CLIP1: variants seen among roughly 807,000 people sequenced by gnomAD.
CLIP1 encodes the protein CAP-Gly domain-containing linker protein 1.
In CLIP1, 66 loss-of-function variants were observed where a neutral mutation model predicts 161.6. The ratio of observed to expected loss-of-function variants is 0.41; its 90% CI spans 0.33 to 0.50. CLIP1 has a LOEUF of 0.50. CLIP1 is among the 20% of genes least tolerant of loss of function. The probability of loss-of-function intolerance (pLI) is 0.27; values close to 1 mark genes in which losing one functional copy is unlikely to be tolerated. For missense variants in CLIP1, 1,376 were observed against 1,702.0 expected (o/e 0.81, Z 3.37); for synonymous variants, 598 against 626.2 (o/e 0.96, Z 0.67).
intron 3 of CLIP1, among the ~76,000 whole-genome samples, chr12:122,367,365 T>C (rs1052309563): frequency 6.6e-6 from 1 of 152,236 alleles, no homozygotes; most frequent in Non-Finnish European, 1.5e-5. Context: ...CCACCAAACA[T>C]GGAACTCTTC....
intron 8 of CLIP1, among the ~76,000 whole-genome samples, 161 bp downstream of exon 8, chr12:122,352,565 C>T (rs926601950): frequency 2.0e-5 from 3 of 152,084 alleles, no homozygotes; most frequent in African/African-American, 4.8e-5. Flanking sequence ...CACTCACAGG[C>T]TCAAGTACCG....
chr12:122,282,701 G>A (rs545102381), intron 21 of CLIP1, among the ~76,000 whole-genome samples: 21 of 152,008 alleles, frequency 1.4e-4, no homozygotes, highest in Non-Finnish European at 2.9e-4. Flanking sequence ...ATATACTGCT[G>A]AGAATATTTT....
chr12:122,331,664 C>T (rs1056300549), intron 15 of CLIP1, among the ~76,000 whole-genome samples: 2 of 152,168 alleles, frequency 1.3e-5, no homozygotes. Flanking sequence ...TAGCACAGTG[C>T]ATGGCCCATA....
chr12:122,378,773 T>C (rs2136805962), intron 2 of CLIP1, among the ~76,000 whole-genome samples: 1 of 152,140 alleles, frequency 6.6e-6, no homozygotes, highest in East Asian at 1.9e-4. Context: ...GGTGGGTGGA[T>C]CATTTGAGGT....
chr12:122,391,157 G>A lies in CLIP1; in HGVS notation c.-106-10599C>T, dbSNP rs765852126. Among the ~76,000 whole-genome samples, 33 of 151,906 alleles carry A rather than the reference G, an allele frequency of 2.2e-4. 1 individual carries two copies. The highest frequency in any genetic ancestry group is 2.9e-4 in the Non-Finnish European group (20 of 67,928). On this transcript the variant is annotated intron_variant, in intron 1 of 25. Coordinates refer to ENST00000620786, the MANE Select transcript of CLIP1 (RefSeq NM_001247997.2). ...ACAAAAATTAGCCAGATGTGGTGGC[G>A]GGCACCTGTAATCCCAGCTACTTAG...
intron 21 of CLIP1, 108 bp downstream of exon 21, chr12:122,288,381 T>C: frequency 2.1e-6 from 2 of 955,522 alleles, no homozygotes; most frequent in Non-Finnish European, 3.1e-6. Context: ...ACAATGCCAT[T>C]TTCTGAATCT....
chr12:122,370,098 G>A (rs1954365143), intron 3 of CLIP1, among the ~76,000 whole-genome samples: 1 of 151,816 alleles, frequency 6.6e-6, no homozygotes, highest in Non-Finnish European at 1.5e-5. Context: ...TGTAGGCAGA[G>A]GGTGCAATGA....
intron 1 of CLIP1, among the ~76,000 whole-genome samples, chr12:122,381,775 G>A (rs1051946466): frequency 7.2e-5 from 11 of 152,270 alleles, no homozygotes; most frequent in Admixed American, 3.3e-4. Flanking sequence ...CCACTCCAGC[G>A]GATGGAACAG....
chr12:122,376,777 T>G (rs900587415), intron 3 of CLIP1, among the ~76,000 whole-genome samples: 1 of 151,794 alleles, frequency 6.6e-6, no homozygotes, highest in African/African-American at 2.4e-5. Flanking sequence ...GCCAAGAAAA[T>G]TTTTAATAAT....
intron 1 of CLIP1, among the ~76,000 whole-genome samples, chr12:122,421,566 C>T (rs551803248): frequency 6.6e-6 from 1 of 152,096 alleles, no homozygotes; most frequent in East Asian, 1.9e-4. Context: ...TCTTCTCCAC[C>T]CTTTGTTTTA....
chr12:122,386,666 T>C (rs1163107646), intron 1 of CLIP1, among the ~76,000 whole-genome samples: 2 of 152,162 alleles, frequency 1.3e-5, no homozygotes, highest in African/African-American at 4.8e-5. Flanking sequence ...TCAATTTGTG[T>C]GATTCAAGAA....
intron 1 of CLIP1, among the ~76,000 whole-genome samples, chr12:122,407,995 T>C (rs1485318852): frequency 6.6e-6 from 1 of 151,898 alleles, no homozygotes; most frequent in Non-Finnish European, 1.5e-5. Flanking sequence ...ATGCCAGCAC[T>C]TTGGGAGGCC....
intron 1 of CLIP1, among the ~76,000 whole-genome samples, chr12:122,394,353 G>A (rs1191173619): frequency 6.6e-6 from 1 of 151,934 alleles, no homozygotes; most frequent in Non-Finnish European, 1.5e-5. Context: ...GCTGGGCGTG[G>A]TGGCACGTGC....
intron 1 of CLIP1, among the ~76,000 whole-genome samples, chr12:122,420,102 G>C: frequency 6.6e-6 from 1 of 151,916 alleles, no homozygotes; most frequent in Non-Finnish European, 1.5e-5. Flanking sequence ...AGCACTTTGG[G>C]AGGCTGAGGC....
chr12:122,297,726 G>C (rs1167289468), intron 20 of CLIP1, among the ~76,000 whole-genome samples: 1 of 152,168 alleles, frequency 6.6e-6, no homozygotes, highest in African/African-American at 2.4e-5. Flanking sequence ...GGAAAAAACG[G>C]AAGAGGAAGC....
chr12:122,356,115 A>G (rs1953337079), intron 5 of CLIP1: 1 of 152,148 alleles, frequency 6.6e-6, no homozygotes, highest in Non-Finnish European at 1.5e-5. Context: ...ACTTAAACAT[A>G]CCAGGAAGAA....
chr12:122,353,164 C>G (rs1014829845), intron 7 of CLIP1, among the ~76,000 whole-genome samples: 1 of 151,992 alleles, frequency 6.6e-6, no homozygotes, highest in Non-Finnish European at 1.5e-5. Flanking sequence ...AGCAACATGA[C>G]GAGACCTCAT....
intron 20 of CLIP1, among the ~76,000 whole-genome samples, chr12:122,306,530 C>T (rs981278338): frequency 2.6e-5 from 4 of 152,196 alleles, no homozygotes; most frequent in South Asian, 4.1e-4. Flanking sequence ...CAGAAGCACA[C>T]GATCCTGACC....
chr12:122,370,154 C>T (rs1178302421), intron 3 of CLIP1, among the ~76,000 whole-genome samples: 12 of 139,688 alleles, frequency 8.6e-5, no homozygotes, highest in Admixed American at 2.3e-4. Context: ...CAGAGCAAAA[C>T]CTATCTCAAA....
Sources: gnomAD v4.1 joint callset for allele counts (sites outside exome capture counted in the v4.1 genomes callset) on GRCh38, gnomAD v4.1.1 for gene constraint, MANE v1.5 for transcripts, NCBI Gene and HGNC (gene_info 2026-07-23, HGNC 2026-07-21) for gene names.